Variants in LCN6 observed in about 807,000 individuals in gnomAD.
LCN6 encodes the protein epididymal-specific lipocalin-6.
Under a neutral mutation model 21.4 loss-of-function variants are expected in LCN6, and 20 were observed. The ratio of observed to expected loss-of-function variants is 0.93; its 90% CI spans 0.66 to 1.36. The LOEUF is 1.36. Among genes scored for constraint, LCN6 ranks in the 40% most tolerant of loss-of-function variants. The pLI, the probability that LCN6 is intolerant of heterozygous loss-of-function variation, is 0.00. For missense variants in LCN6, 217 were observed against 206.6 expected (o/e 1.05, Z -0.31); for synonymous variants, 96 against 89.0 (o/e 1.08, Z -0.44).
intron 1 of LCN6, among the ~76,000 whole-genome samples, chr9:136,747,847 T>C (rs1335886621): frequency 2.0e-4 from 17 of 83,642 alleles, no homozygotes; most frequent in African/African-American, 7.4e-4. Flanking sequence ...TAGCCTTCAG[T>C]TCTCCAGCCC....
intron 3 of LCN6, 134 bp from the exon 4 acceptor site, chr9:136,745,414 G>A: frequency 1.5e-6 from 1 of 656,446 alleles, no homozygotes; most frequent in Non-Finnish European, 2.7e-6. Context: ...ACCCCTCCAA[G>A]CACACCCAGA....
intron 1 of LCN6, 134 bp from the exon 2 acceptor site, chr9:136,747,697 G>A (rs568539846): frequency 1.9e-6 from 2 of 1,068,470 alleles, no homozygotes; most frequent in African/African-American, 3.9e-5. Flanking sequence ...CAGCCCTCCA[G>A]CCTCCAGCCT....
Position 136,748,520 on chromosome 9 carries a change from T to G in LCN6, c.-37A>C, listed in dbSNP as rs776312291. ...TACACTGCGCCGCAGGCCCAGGATG[T>G]GCAGTCCCTCCAGGCCCTGGAGACC... On this transcript the variant is annotated 5_prime_UTR_variant, in exon 1 of 7. Transcript: ENST00000341206. 6.3e-7 allele frequency: 1 copy of G among 1,594,114 alleles called. No individual in the cohort carries two copies. The highest frequency in any genetic ancestry group is 8.6e-7 in the Non-Finnish European group (1 of 1,167,288).
chr9:136,746,538 G>A (rs1847040966), intron 2 of LCN6, among the ~76,000 whole-genome samples: 1 of 152,146 alleles, frequency 6.6e-6, no homozygotes, highest in Non-Finnish European at 1.5e-5. Context: ...GGAACAGCAA[G>A]AAGAACTAGG....
chr9:136,744,708 C>G lies in LCN6; in HGVS notation c.446G>C (p.Gly149Ala), dbSNP rs955943171. 1.9e-6 allele frequency: 3 copies of G among 1,610,706 alleles called. No individual in the cohort carries two copies. In the African/African-American group the frequency reaches 4.0e-5, roughly 22 times the overall value. ...LTETASQEAM[G>A]LFTKWSRSLG... is the part of the protein sequence containing the mutation. ...GCTCCTGCTCCACTTGGTGAAGAGC[C>G]CCATGGCCTCCTGGCTGGCTGTCTC... Residue 149 changes from glycine (G) to alanine (A), a missense_variant, in exon 5 of 7, where the codon GGG becomes GCG. Transcript: ENST00000341206. This position sits in a 1 kb window ranked among gnomAD's most constrained non-coding sequence, Gnocchi z 4.2.
chr9:136,746,387 T>G (rs1282873706), intron 2 of LCN6, among the ~76,000 whole-genome samples: 8 of 1,432 alleles, frequency 5.6e-3, no homozygotes, highest in African/African-American at 0.012. Flanking sequence ...AGGGGAAGGA[T>G]GGGGCGGGGT....
chr9:136,747,664 T>TCCAGCCCTC (rs1229373209), intron 1 of LCN6, 101 bp from the exon 2 acceptor site: 1 of 856,410 alleles, frequency 1.2e-6, no homozygotes, highest in African/African-American at 3.1e-5. Context: ...ACCTCCAGCC[T>TCCAGCCCTC]CAGCCTCCAC....
At chr9:136,747,667 G>GATCTCCAGC (rs1847062522) in intron 1 of LCN6, 104 bp from the exon 2 acceptor site, 2 of 834,030 alleles carry the variant, frequency 2.4e-6, no homozygotes, top group African/African-American at 6.4e-5. Flanking sequence ...TCCAGCCTCA[G>GATCTCCAGC]CCTCCACCCT....
rs1336927654 is a variant in LCN6 at position 136,744,821 on chromosome 9, G to A, written c.413-80C>T. The A allele has an allele frequency of 1.9e-6, 2 of 1,041,352 alleles. No individual in the cohort carries two copies. Among genetic ancestry groups the A allele is most frequent in the East Asian group, 5.1e-5 (2 of 38,888 alleles). 64.5% of individuals were successfully genotyped at this position (1,041,352 alleles called of 1,614,324 possible). A position where few individuals can be genotyped will look rare whatever the true frequency, so the allele number is the denominator to read the frequency against. On this transcript the variant is annotated intron_variant, in intron 4 of 6. Transcript: ENST00000341206. This position sits in a 1 kb window ranked among gnomAD's most constrained non-coding sequence, Gnocchi z 4.2. ...CCGGGGAGGGGCTGGGAAGGGTCAG[G>A]AAGGAGGCCACCTGCCCTGGGATGC...
rs113359968 is a variant in LCN6 at position 136,745,340 on chromosome 9, C to T, written c.302-60G>A. 1,261 of 1,190,134 alleles carry T rather than the reference C, an allele frequency of 1.1e-3. 8 individuals are homozygous for T. In the African/African-American group the frequency reaches 0.016, roughly 15 times the overall value. The allele number at this position is 1,190,134 out of a possible 1,614,324, so 73.7% of individuals were successfully genotyped here. A position where few individuals can be genotyped will look rare whatever the true frequency, so the allele number is the denominator to read the frequency against. ...AGCTGCTGTATCCATCCAGGGGCCG[C>T]TGAGCTGATGCTGGCCACAGGGACA... On this transcript the variant is annotated intron_variant, in intron 3 of 6. Transcript: ENST00000341206.
In LCN6 at chr9:136,744,180, C is replaced by G. The variant is rs1847000929; in HGVS notation, c.*49-38G>C. The G allele has an allele frequency of 1.3e-5, 2 of 155,172 alleles. No individual in the cohort carries two copies. Among genetic ancestry groups the G allele is most frequent in the Admixed American group, 6.3e-5 (1 of 15,798 alleles). 9.6% of individuals were successfully genotyped at this position (155,172 alleles called of 1,614,324 possible). ...AGGAGTGTGAGGGGGCCCAGCCCAC[C>G]ATGGAGGCTCCTCCACACCCTCAGC... On this transcript the variant is annotated intron_variant, in intron 6 of 6. Transcript: ENST00000341206. The surrounding 1 kb of genome is among the most constrained non-coding windows in gnomAD (Gnocchi z 4.2).
chr9:136,747,624 A>G (rs1317828201), intron 1 of LCN6, 61 bp from the exon 2 acceptor site: 1 of 1,507,820 alleles, frequency 6.6e-7, no homozygotes, highest in East Asian at 2.4e-5. Flanking sequence ...TCCAGCCTCC[A>G]ACCCTCCAGC....
At position 136,748,472 on chromosome 9, in the gene LCN6, C is replaced by T; in HGVS notation, c.12G>A (p.Leu4=). The T allele has an allele frequency of 1.9e-6, 3 of 1,613,074 alleles. No individual in the cohort carries two copies. Among genetic ancestry groups the T allele is most frequent in the Non-Finnish European group, 2.5e-6 (3 of 1,179,870 alleles). Residue 4 remains leucine, a synonymous_variant, in exon 1 of 7, where the codon CTG becomes CTA. Coordinates refer to ENST00000341206, the MANE Select transcript of LCN6 (RefSeq NM_198946.3). ...CCAAAGCCAGAAAAGCAGCCAGCAG[C>T]AGGCCGCCCATCCTCCCAGGTCTAC... is the stretch of plus-strand genomic sequence containing the variant. MGG[L]LLAAFLALVS...
At position 136,745,790 on chromosome 9, in the gene LCN6, TG is replaced by T. The variant is rs1847029101; in HGVS notation, c.301+53del. 11 of 1,499,986 alleles carry T rather than the reference TG, an allele frequency of 7.3e-6. No individual in the cohort carries two copies. The South Asian group carries it at 1.2e-4, about 17-fold the overall frequency. The allele number at this position is 1,499,986 out of a possible 1,614,324, so 92.9% of individuals were successfully genotyped here. A position where few individuals can be genotyped will look rare whatever the true frequency, so the allele number is the denominator to read the frequency against. On this transcript the variant is annotated intron_variant, in intron 3 of 6. Transcript: ENST00000341206. ...CCTCCGTCCCTGCCCGCAGGGGGCC[TG>T]GGGATGCTGCAGGGAAGAACGGCCT...
chr9:136,748,114 T>C (rs1847075376), intron 1 of LCN6, among the ~76,000 whole-genome samples: 1 of 148,484 alleles, frequency 6.7e-6, no homozygotes, highest in African/African-American at 2.5e-5. Flanking sequence ...CCCTACAGCC[T>C]CCAGCCCTCC....
intron 3 of LCN6, 151 bp downstream of exon 3, chr9:136,745,693 T>C (rs1847028056): frequency 4.2e-6 from 3 of 721,388 alleles, no homozygotes; most frequent in Middle Eastern, 5.5e-4. Context: ...GGGGCTTCTC[T>C]TCACCCTCAG....
At chr9:136,745,079 GCGGCC>G in intron 4 of LCN6, 86 bp downstream of exon 4, 8 of 959,386 alleles carry the variant, frequency 8.3e-6, no homozygotes, top group Non-Finnish European at 1.0e-5. Flanking sequence ...CGGCCCCCAA[GCGGCC>G]CACGCACCAC....
intron 1 of LCN6, among the ~76,000 whole-genome samples, chr9:136,748,126 GCCTCCAGTTCTCCAACCCTACAC>G (rs1471659987): frequency 6.8e-6 from 1 of 146,392 alleles, no homozygotes; most frequent in Non-Finnish European, 1.5e-5. Context: ...CAGCCCTCCA[GCCTCCAGTTCTCCAACCCTACAC>G]CCTCCAGCCC....
Position 136,744,768 on chromosome 9 carries a change from G to T in LCN6, c.413-27C>A, listed in dbSNP as rs757745023. 9 of 1,427,564 alleles carry T rather than the reference G, an allele frequency of 6.3e-6. No individual in the cohort carries two copies. Among genetic ancestry groups the T allele is most frequent in the Non-Finnish European group, 6.8e-6 (7 of 1,023,946 alleles). 88.4% of individuals were successfully genotyped at this position (1,427,564 alleles called of 1,614,324 possible). On this transcript the variant is annotated intron_variant, in intron 4 of 6. Coordinates refer to ENST00000341206, the MANE Select transcript of LCN6 (RefSeq NM_198946.3). This position sits in a 1 kb window ranked among gnomAD's most constrained non-coding sequence, Gnocchi z 4.2. ...TGGGGGCACCAGGGCAGTGCAGGGG[G>T]AAGCAACCTCTGAGAGCTGGGGAGG...
Sources: allele counts gnomAD v4.1 joint callset (sites outside exome capture counted in the v4.1 genomes callset), GRCh38; gene constraint gnomAD v4.1.1; non-coding constraint Gnocchi (gnomAD v3.1); transcripts MANE v1.5; gene names NCBI Gene and HGNC (gene_info 2026-07-23, HGNC 2026-07-21).